FANCL: variants seen among roughly 807,000 people sequenced by gnomAD.
The protein encoded by FANCL is E3 ubiquitin-protein ligase FANCL.
A neutral mutation model predicts 59.4 loss-of-function variants in FANCL; 69 were observed. The ratio of observed to expected loss-of-function variants is 1.16; its 90% CI spans 0.96 to 1.42. The LOEUF (loss-of-function observed/expected upper bound fraction) is 1.42, where lower values mean the gene tolerates loss of function less well. Ranked by LOEUF, FANCL falls within the 40% of genes most tolerant of loss-of-function variation. FANCL has a pLI of 0.00. For synonymous variants in FANCL, 180 were observed against 147.1 expected (o/e 1.22, Z -1.62); for missense variants, 519 against 447.2 (o/e 1.16, Z -1.45).
chr2:58,172,211 C>A (rs920076514), intron 7 of FANCL, among the ~76,000 whole-genome samples: 4 of 152,210 alleles, frequency 2.6e-5, no homozygotes, highest in African/African-American at 9.6e-5. Context: ...CCTCTGCAGA[C>A]TTAAATGTCC....
intron 5 of FANCL, among the ~76,000 whole-genome samples, chr2:58,206,689 T>C (rs1690618953): frequency 1.3e-5 from 2 of 152,138 alleles, no homozygotes; most frequent in Admixed American, 6.5e-5. Context: ...GGTAATACAC[T>C]ACAGAAAAAG....
chr2:58,159,915 CT>C (rs1684851545), intron 13 of FANCL, 115 bp from the exon 14 acceptor site: 1 of 1,541,448 alleles, frequency 6.5e-7, no homozygotes, highest in African/African-American at 1.4e-5. Flanking sequence ...GAAAACACTT[CT>C]GAAGTTTCAG....
chr2:58,205,041 T>G (rs890075711), intron 5 of FANCL, among the ~76,000 whole-genome samples: 3 of 152,092 alleles, frequency 2.0e-5, no homozygotes, highest in Non-Finnish European at 4.4e-5. Flanking sequence ...ATTTTTGACA[T>G]TTTTACAATG....
chr2:58,235,516 T>C (rs921166196), intron 1 of FANCL, among the ~76,000 whole-genome samples: 3 of 152,108 alleles, frequency 2.0e-5, no homozygotes, highest in Admixed American at 2.0e-4. Context: ...GATCAAACTG[T>C]TTCCAAGTAA....
chr2:58,185,740 T>G (rs1225582646), intron 7 of FANCL, among the ~76,000 whole-genome samples: 1 of 152,160 alleles, frequency 6.6e-6, no homozygotes, highest in African/African-American at 2.4e-5. Context: ...AGCCTTAAAA[T>G]GTATCTCATT....
intron 7 of FANCL, among the ~76,000 whole-genome samples, chr2:58,182,308 TAA>T (rs1688011016): frequency 6.6e-6 from 1 of 151,850 alleles, no homozygotes; most frequent in Non-Finnish European, 1.5e-5. Flanking sequence ...CTGGGACTTT[TAA>T]AAGTTTCTCA....
At chr2:58,216,131 G>C (rs1437655958) in intron 5 of FANCL, among the ~76,000 whole-genome samples, 3 of 152,144 alleles carry the variant, frequency 2.0e-5, no homozygotes, top group Admixed American at 6.5e-5. Flanking sequence ...GATCTACCAG[G>C]GGGGAAATCC....
intron 7 of FANCL, among the ~76,000 whole-genome samples, chr2:58,177,040 T>A (rs1272259873): frequency 6.6e-6 from 1 of 152,204 alleles, no homozygotes; most frequent in African/African-American, 2.4e-5. Flanking sequence ...ATGCTCATCA[T>A]CACTGGCCAT....
intron 7 of FANCL, among the ~76,000 whole-genome samples, chr2:58,178,702 A>G (rs891731516): frequency 2.6e-5 from 4 of 152,196 alleles, no homozygotes; most frequent in African/African-American, 9.6e-5. Flanking sequence ...CACCACTCCT[A>G]TTCAACACTG....
chr2:58,164,015 A>G (rs1175796034), intron 8 of FANCL, among the ~76,000 whole-genome samples: 1 of 152,004 alleles, frequency 6.6e-6, no homozygotes. Context: ...TTTCTGTATT[A>G]TTTTGCTGCA....
intron 8 of FANCL, 65 bp downstream of exon 8, chr2:58,165,659 A>T: frequency 6.3e-7 from 1 of 1,583,270 alleles, no homozygotes; most frequent in Non-Finnish European, 8.6e-7. Context: ...TGTCATTGTT[A>T]GATTTATTTT....
At position 58,187,059 on chromosome 2, in the gene FANCL, G is replaced by T. The variant is rs557977028; in HGVS notation, c.540+11535C>A. Among the ~76,000 whole-genome samples the T allele has an allele frequency of 4.6e-5, 7 of 152,110 alleles. No individual in the cohort carries two copies. The East Asian group carries it at 1.4e-3, about 30-fold the overall frequency. ...ATACCATTTGACCCAGCAATCCCAT[G>T]ACTGGGTATATACCCAAAGGATTAT... On this transcript the variant is annotated intron_variant, in intron 7 of 13. Coordinates refer to ENST00000233741, the MANE Select transcript of FANCL (RefSeq NM_018062.4).
In FANCL at chr2:58,196,178, G is replaced by A. The variant is rs566973977; in HGVS notation, c.540+2416C>T. On this transcript the variant is annotated intron_variant, in intron 7 of 13. Coordinates refer to ENST00000233741, the MANE Select transcript of FANCL (RefSeq NM_018062.4). The stretch of plus-strand genomic sequence containing the variant: ...AACAAATATGGCAAAAAGTATGCAC[G>A]GATGGCCTATATACCAATTTTGGGT... Among the ~76,000 whole-genome samples the A allele has an allele frequency of 6.6e-5, 10 of 152,134 alleles. No homozygotes were observed. In the East Asian group the frequency reaches 1.2e-3, roughly 18 times the overall value.
intron 6 of FANCL, among the ~76,000 whole-genome samples, chr2:58,199,878 T>G (rs1689818743): frequency 6.6e-6 from 1 of 152,062 alleles, no homozygotes. Flanking sequence ...TTTTCAGTAC[T>G]CTGCTGGGTA....
intron 1 of FANCL, among the ~76,000 whole-genome samples, 197 bp from the exon 2 acceptor site, chr2:58,232,309 C>A (rs756459114): frequency 1.8e-4 from 27 of 152,006 alleles, no homozygotes; most frequent in Non-Finnish European, 3.5e-4. Context: ...AACTGTCTTA[C>A]AAAAACTTTG....
At position 58,226,579 on chromosome 2, in the gene FANCL, T is replaced by C. The variant is rs910740390; in HGVS notation, c.273+149A>G. ...CTCATGCAGTTCAAGAAATGCGTCA[T>C]CTATATTTATGTACACAGTAAAAGA... is the stretch of plus-strand genomic sequence containing the variant. On this transcript the variant is annotated intron_variant, in intron 4 of 13. Transcript: ENST00000233741. 6.3e-5 allele frequency: 42 copies of C among 667,314 alleles called. 2 individuals are homozygous for C. The South Asian group carries it at 6.5e-4, about 10-fold the overall frequency. 41.3% of individuals were successfully genotyped at this position (667,314 alleles called of 1,614,324 possible). A position where few individuals can be genotyped will look rare whatever the true frequency, so the allele number is the denominator to read the frequency against.
intron 6 of FANCL, among the ~76,000 whole-genome samples, chr2:58,201,970 A>C (rs983510611): frequency 2.6e-5 from 4 of 151,694 alleles, no homozygotes; most frequent in African/African-American, 9.7e-5. Flanking sequence ...GTTATTAATA[A>C]AAAAAATTCA....
chr2:58,198,709 A>AT, intron 6 of FANCL, 47 bp from the exon 7 acceptor site: 3 of 1,448,840 alleles, frequency 2.1e-6, no homozygotes. Flanking sequence ...CTGTGTGTTA[A>AT]TATCACTGAG....
chr2:58,212,819 G>C (rs1424345995), intron 5 of FANCL, among the ~76,000 whole-genome samples: 1 of 152,068 alleles, frequency 6.6e-6, no homozygotes, highest in Non-Finnish European at 1.5e-5. Flanking sequence ...TGTTTTGACT[G>C]TGTTTTTATA....
Sources: allele counts gnomAD v4.1 joint callset (sites outside exome capture counted in the v4.1 genomes callset), GRCh38; gene constraint gnomAD v4.1.1; transcripts MANE v1.5; gene names NCBI Gene and HGNC (gene_info 2026-07-23, HGNC 2026-07-21).